Variants in CSMD1 observed in about 807,000 individuals in gnomAD.
The protein encoded by CSMD1 is CUB and Sushi multiple domains 1, also known as CUB and sushi domain-containing protein 1.
In CSMD1, 213 loss-of-function variants were observed where a neutral mutation model predicts 417.5. That is an observed-to-expected ratio of 0.51 (90% confidence interval 0.46 to 0.57). CSMD1 has a LOEUF of 0.57. Ranked by LOEUF, CSMD1 falls within the 20% of genes least tolerant of loss-of-function variation. The pLI, the probability that CSMD1 is intolerant of heterozygous loss-of-function variation, is 0.00. For synonymous variants in CSMD1, 2,862 were observed against 1,736.8 expected (o/e 1.65, Z -16.11); for missense variants, 6,923 against 4,529.7 (o/e 1.53, Z -15.17).
At chr8:4,450,653 T>G (rs1324269573) in intron 2 of CSMD1, among the ~76,000 whole-genome samples, 1 of 152,134 alleles carries the variant, frequency 6.6e-6, no homozygotes, top group African/African-American at 2.4e-5. Flanking sequence ...ATTTGGTACT[T>G]TGATGCAGTA....
At chr8:4,658,494 C>G (rs1804381027) in intron 1 of CSMD1, among the ~76,000 whole-genome samples, 2 of 152,120 alleles carry the variant, frequency 1.3e-5, no homozygotes, top group Non-Finnish European at 2.9e-5. Context: ...AACAAAAACT[C>G]TATCAAACTC....
At chr8:4,110,460 T>C (rs1432101576) in intron 3 of CSMD1, among the ~76,000 whole-genome samples, 1 of 152,156 alleles carries the variant, frequency 6.6e-6, no homozygotes, top group Non-Finnish European at 1.5e-5. Flanking sequence ...GCCAGATCCC[T>C]CTCATAAATA....
rs552348607 is a variant in CSMD1, at chr8:4,132,701, T to G, written c.416-100602A>C. On this transcript the variant is annotated intron_variant, in intron 3 of 69. Transcript: ENST00000635120. ...GAGCCTCGCAACTCAATGTGGGGCTTCCACGCACTTCCGCTGTCATGTGTG... is the reference window on the plus strand; with the variant it reads ...GAGCCTCGCAACTCAATGTGGGGCTGCCACGCACTTCCGCTGTCATGTGTG... 1.8e-4 allele frequency among the ~76,000 whole-genome samples: 27 copies of G among 152,258 alleles called. No individual in the cohort carries two copies. In the South Asian group the frequency reaches 5.6e-3, roughly 32 times the overall value.
chr8:2,940,421 G>A (rs999020695), intron 69 of CSMD1, among the ~76,000 whole-genome samples: 13 of 152,188 alleles, frequency 8.5e-5, no homozygotes, highest in African/African-American at 2.4e-5. Context: ...TTGGTGCAGT[G>A]TTAGGAAGGG....
intron 5 of CSMD1, among the ~76,000 whole-genome samples, chr8:3,841,987 T>G (rs1414643295): frequency 6.6e-6 from 1 of 152,214 alleles, no homozygotes; most frequent in African/African-American, 2.4e-5. Context: ...TTCCATCGTG[T>G]TGCAGCATCA....
At chr8:4,803,599 T>C (rs1798429843) in intron 1 of CSMD1, among the ~76,000 whole-genome samples, 1 of 152,212 alleles carries the variant, frequency 6.6e-6, no homozygotes. Context: ...TATTGTTTTG[T>C]AGATCTTAAT....
intron 26 of CSMD1, among the ~76,000 whole-genome samples, chr8:3,243,446 T>C (rs1466717854): frequency 1.5e-5 from 2 of 134,122 alleles, no homozygotes. Flanking sequence ...TTTGAGTAGG[T>C]AAAGGAAAAT....
chr8:3,617,587 G>C lies in CSMD1; in HGVS notation c.1010-790C>G, dbSNP rs376792317. Among the ~76,000 whole-genome samples, 23 of 152,254 alleles carry C rather than the reference G, an allele frequency of 1.5e-4. No homozygotes were observed. In the South Asian group the frequency reaches 4.6e-3, roughly 30 times the overall value. On this transcript the variant is annotated intron_variant, in intron 7 of 69. Coordinates refer to ENST00000635120, the MANE Select transcript of CSMD1 (RefSeq NM_033225.6). ...GGAAACATTACAGGATGCTAATAAA[G>C]TGCATATCTATTTTACTCTGAAAAT...
At chr8:4,917,368 C>CTGTAACCTG (rs1392151393) in intron 1 of CSMD1, among the ~76,000 whole-genome samples, 1 of 152,208 alleles carries the variant, frequency 6.6e-6, no homozygotes, top group East Asian at 1.9e-4. Context: ...GGTGCGGCGG[C>CTGTAACCTG]TCACGCCTGT....
chr8:4,064,598 C>T (rs1365280), intron 3 of CSMD1, among the ~76,000 whole-genome samples: 58,461 of 152,068 alleles, frequency 0.38, 11,922 homozygotes, highest in East Asian at 0.78. Context: ...CTGCCGTTTC[C>T]GAACGTGGCA....
intron 3 of CSMD1, among the ~76,000 whole-genome samples, chr8:4,298,937 C>T (rs751506212): frequency 7.9e-5 from 12 of 151,902 alleles, no homozygotes; most frequent in African/African-American, 2.4e-4. Context: ...TACATAAACA[C>T]ACAATACATA....
chr8:3,004,756 T>G (rs1042291637), intron 52 of CSMD1, among the ~76,000 whole-genome samples: 1 of 152,158 alleles, frequency 6.6e-6, no homozygotes, highest in African/African-American at 2.4e-5. Context: ...CTTAAAATGG[T>G]TGAGAGAACC....
chr8:3,422,125 C>A (rs1041859813), intron 12 of CSMD1, among the ~76,000 whole-genome samples: 2 of 152,034 alleles, frequency 1.3e-5, no homozygotes, highest in Non-Finnish European at 2.9e-5. Context: ...ATGAAATCTC[C>A]AAGGTCACTC....
chr8:3,719,191 C>A (rs1802007054), intron 6 of CSMD1, among the ~76,000 whole-genome samples: 1 of 152,080 alleles, frequency 6.6e-6, no homozygotes, highest in East Asian at 1.9e-4. Context: ...CTATAATTTC[C>A]CAAATTTCCT....
intron 1 of CSMD1, among the ~76,000 whole-genome samples, chr8:4,902,476 G>A (rs1387634467): frequency 6.6e-6 from 1 of 151,662 alleles, no homozygotes; most frequent in African/African-American, 2.4e-5. Context: ...ATCTTTTCAG[G>A]AATAAATGAA....
At chr8:3,373,926 G>A (rs941842591) in intron 18 of CSMD1, among the ~76,000 whole-genome samples, 1 of 151,546 alleles carries the variant, frequency 6.6e-6, no homozygotes, top group South Asian at 2.1e-4. Context: ...TATTTTCCTG[G>A]CTGAGTTGAA....
At chr8:3,260,417 T>C (rs987258517) in intron 26 of CSMD1, among the ~76,000 whole-genome samples, 2 of 151,962 alleles carry the variant, frequency 1.3e-5, no homozygotes, top group African/African-American at 4.8e-5. Context: ...AGAAGGAGTA[T>C]ATCCTCCAGC....
At chr8:4,107,740 G>A (rs1466601707) in intron 3 of CSMD1, among the ~76,000 whole-genome samples, 1 of 152,118 alleles carries the variant, frequency 6.6e-6, no homozygotes, top group Non-Finnish European at 1.5e-5. Context: ...TAAAGGGAGG[G>A]ACGCTGCGGT....
intron 49 of CSMD1, among the ~76,000 whole-genome samples, chr8:3,066,814 T>C (rs1249572338): frequency 6.6e-6 from 1 of 152,194 alleles, no homozygotes; most frequent in Non-Finnish European, 1.5e-5. Flanking sequence ...TTTAAGCTCA[T>C]TTCTCCACAA....
Sources: gnomAD v4.1 joint callset for allele counts (sites outside exome capture counted in the v4.1 genomes callset) on GRCh38, gnomAD v4.1.1 for gene constraint, MANE v1.5 for transcripts, NCBI Gene and HGNC (gene_info 2026-07-23, HGNC 2026-07-21) for gene names.